The following CD80 variants were observed in gnomAD, a reference collection of about 807,000 sequenced individuals.
CD80 encodes the protein T-lymphocyte activation antigen CD80.
In CD80, 13 loss-of-function variants were observed where a neutral mutation model predicts 27.1. That is an observed-to-expected ratio of 0.48 (90% CI 0.31 to 0.76). The LOEUF (loss-of-function observed/expected upper bound fraction) is 0.76. Among genes scored for constraint, CD80 ranks in the 30% least tolerant of loss-of-function variants. The pLI, the probability that CD80 is intolerant of heterozygous loss-of-function variation, is 0.04. For missense variants in CD80, 277 were observed against 347.9 expected, an observed-to-expected ratio of 0.80 and a Z score of 1.62; for synonymous variants, 125 against 125.5, an observed-to-expected ratio of 1.00 and a Z score of 0.03.
At chr3:119,528,595 C>A (rs1403618510) in intron 5 of CD80, among the ~76,000 whole-genome samples, 1 of 152,122 alleles carries the variant, frequency 6.6e-6, no homozygotes, top group Non-Finnish European at 1.5e-5. Flanking sequence ...TTCTAAAGAA[C>A]TGAGAAAATG....
intron 2 of CD80, among the ~76,000 whole-genome samples, chr3:119,554,950 A>G (rs1009123321): frequency 7.9e-5 from 12 of 152,236 alleles, no homozygotes; most frequent in Non-Finnish European, 1.6e-4. Flanking sequence ...GTTCTTCAGT[A>G]ACACTTTTTT....
chr3:119,550,900 T>A (rs892016926), intron 2 of CD80, among the ~76,000 whole-genome samples: 1 of 152,186 alleles, frequency 6.6e-6, no homozygotes, highest in Non-Finnish European at 1.5e-5. Context: ...AAAGAGGCCT[T>A]CCCTGACTCT....
chr3:119,536,220 C>T (rs554772781), intron 4 of CD80, among the ~76,000 whole-genome samples: 9 of 152,108 alleles, frequency 5.9e-5, no homozygotes, highest in African/African-American at 2.2e-4. Flanking sequence ...CACTGCACTC[C>T]AGCCTGGGCA....
chr3:119,547,655 T>A (rs189518183), intron 2 of CD80, among the ~76,000 whole-genome samples: 9 of 152,328 alleles, frequency 5.9e-5, no homozygotes, highest in African/African-American at 2.2e-4. Flanking sequence ...GCGAAGTCAC[T>A]AAATCTAGCA....
Position 119,537,392 on chromosome 3 carries a change from C to G in CD80, c.445G>C (p.Asp149His), listed in dbSNP as rs1334417434. 1 of 1,610,454 alleles carries G rather than the reference C, an allele frequency of 6.2e-7. No homozygotes were observed. The highest frequency in any genetic ancestry group is 8.5e-7 in the Non-Finnish European group (1 of 1,176,878). ...KADFPTPSIS[D>H]FEIPTSNIRR... ...ATATTAGAAGTTGGAATTTCAAAGT[C>G]AGATATACTAGGTGTAGGGAAGTCA... is the stretch of plus-strand genomic sequence containing the variant. The change falls in exon 4 of 7, where the codon GAC becomes CAC. Residue 149 changes from aspartate (D) to histidine (H), a missense_variant. Transcript: ENST00000264246.
At position 119,531,681 on chromosome 3, in the gene CD80, C is replaced by T. The variant is rs1031889144; in HGVS notation, c.701-1744G>A. Among the ~76,000 whole-genome samples, 3 of 89,728 alleles carry T rather than the reference C, an allele frequency of 3.3e-5. No homozygotes were observed. In the Admixed American group the frequency reaches 3.5e-4, roughly 11 times the overall value. 58.9% of individuals were successfully genotyped at this position (89,728 alleles called of 152,430 possible). A position where few individuals can be genotyped will look rare whatever the true frequency, so the allele number is the denominator to read the frequency against. On this transcript the variant is annotated intron_variant, in intron 4 of 6. Transcript: ENST00000264246. ...TATTTATTTATTTATTTATTTAAGA[C>T]GGACTTTCACTGTGTTTCCCAGGCC...
intron 2 of CD80, among the ~76,000 whole-genome samples, chr3:119,553,610 C>T (rs2082246281): frequency 6.6e-6 from 1 of 152,194 alleles, no homozygotes; most frequent in Admixed American, 6.5e-5. Context: ...AGTTCAACCT[C>T]AGCAGCCGTT....
chr3:119,555,798 C>A (rs1360758059), intron 2 of CD80, among the ~76,000 whole-genome samples: 4 of 152,190 alleles, frequency 2.6e-5, no homozygotes, highest in Admixed American at 2.0e-4. Flanking sequence ...CAAGAAAAGT[C>A]TCTTGGTTTT....
intron 2 of CD80, among the ~76,000 whole-genome samples, chr3:119,551,015 T>C (rs76263296): frequency 0.023 from 3,518 of 152,312 alleles, 128 homozygotes; most frequent in African/African-American, 0.077. Flanking sequence ...TATATATTTT[T>C]ACAACTGTGA....
Position 119,527,800 on chromosome 3 carries a change from A to G in CD80, c.838T>C (p.Leu280=). 1 of 1,613,950 alleles carries G rather than the reference A, an allele frequency of 6.2e-7. No homozygotes were observed. Among genetic ancestry groups the G allele is most frequent in the Non-Finnish European group, 8.5e-7 (1 of 1,179,898 alleles). ...ACAGGGCGTACACTTTCCCTTCTCAATCTCTCATTCCTCCTTCTCTCTCTG... is the reference window on the plus strand; with the variant it reads ...ACAGGGCGTACACTTTCCCTTCTCAGTCTCTCATTCCTCCTTCTCTCTCTG... ...RCRERRRNER[L]RRESVRPV Residue 280 remains leucine, a synonymous_variant, in exon 6 of 7, where the codon TTG becomes CTG. Transcript: ENST00000264246.
chr3:119,527,671 A>T (rs1313628287), intron 6 of CD80, 62 bp downstream of exon 6: 4 of 964,122 alleles, frequency 4.1e-6, no homozygotes, highest in Middle Eastern at 2.1e-4. Context: ...TAAATTTGTT[A>T]AGGGAAGAAT....
intron 4 of CD80, among the ~76,000 whole-genome samples, chr3:119,534,393 G>GAA (rs71293250): frequency 0.081 from 11,557 of 143,316 alleles, 587 homozygotes; most frequent in Non-Finnish European, 0.12. Context: ...AAAAGAAAAA[G>GAA]AAAAAAAAAA....
chr3:119,557,617 A>G lies in CD80; in HGVS notation c.100+12T>C. ...AGCAGTTGACTCAGTTAAGTTCCTG[A>G]AAGTTGCTTACCTGAACAGAAGTGA... On this transcript the variant is annotated intron_variant, in intron 2 of 6. Coordinates refer to ENST00000264246, the MANE Select transcript of CD80 (RefSeq NM_005191.4). 1 of 1,604,660 alleles carries G rather than the reference A, an allele frequency of 6.2e-7. No individual in the cohort carries two copies. Among genetic ancestry groups the G allele is most frequent in the Non-Finnish European group, 8.5e-7 (1 of 1,172,252 alleles).
At chr3:119,544,245 TA>T in intron 3 of CD80, 1 of 372,116 alleles carries the variant, frequency 2.7e-6, no homozygotes, top group Non-Finnish European at 5.0e-6. Flanking sequence ...GTGCAGTTAG[TA>T]GCAAGGCTAC....
intron 3 of CD80, among the ~76,000 whole-genome samples, chr3:119,543,137 G>C (rs993332038): frequency 6.6e-6 from 1 of 152,204 alleles, no homozygotes; most frequent in African/African-American, 2.4e-5. Context: ...AGACTGATTT[G>C]AGTAATGATA....
At chr3:119,528,181 C>T (rs1032463054) in intron 5 of CD80, among the ~76,000 whole-genome samples, 4 of 152,054 alleles carry the variant, frequency 2.6e-5, no homozygotes, top group South Asian at 4.1e-4. Flanking sequence ...GGATGAGAGC[C>T]CCTGAATTAA....
At chr3:119,554,296 A>C (rs1247717129) in intron 2 of CD80, among the ~76,000 whole-genome samples, 1 of 152,108 alleles carries the variant, frequency 6.6e-6, no homozygotes, top group Non-Finnish European at 1.5e-5. Context: ...CTTTTCTCCT[A>C]GCTCTGAGTT....
intron 4 of CD80, among the ~76,000 whole-genome samples, chr3:119,530,563 T>C (rs1441965490): frequency 2.0e-5 from 3 of 152,122 alleles, no homozygotes; most frequent in Non-Finnish European, 4.4e-5. Flanking sequence ...TTATCAGCTG[T>C]AGTTTCAGTC....
intron 4 of CD80, among the ~76,000 whole-genome samples, chr3:119,535,774 A>G (rs2082134647): frequency 6.6e-6 from 1 of 152,194 alleles, no homozygotes; most frequent in Non-Finnish European, 1.5e-5. Context: ...CCCACAAAAA[A>G]AAATTGTTTG....
Sources: gnomAD v4.1 joint callset for allele counts (sites outside exome capture counted in the v4.1 genomes callset) on GRCh38, gnomAD v4.1.1 for gene constraint, MANE v1.5 for transcripts, NCBI Gene and HGNC (gene_info 2026-07-23, HGNC 2026-07-21) for gene names.